Variants in PAIP2 observed in about 807,000 individuals in gnomAD.
PAIP2 encodes poly(A) binding protein interacting protein 2, also known as polyadenylate-binding protein-interacting protein 2.
Under a neutral mutation model 14.8 loss-of-function variants are expected in PAIP2, and 7 were observed. The observed-to-expected ratio is 0.47, with a 90% confidence interval of 0.27 to 0.89. PAIP2 has a LOEUF of 0.89. Ranked by LOEUF, PAIP2 falls within the 40% of genes least tolerant of loss-of-function variation. The pLI is 0.13. For missense variants in PAIP2, 122 were observed against 154.7 expected, an observed-to-expected ratio of 0.79 and a Z score of 1.12; for synonymous variants, 47 against 45.3, an observed-to-expected ratio of 1.04 and a Z score of -0.15.
At position 139,368,805 on chromosome 5, in the gene PAIP2, G is replaced by C; in HGVS notation, c.*7G>C. The C allele has an allele frequency of 6.2e-7, 1 of 1,603,022 alleles. No individual in the cohort carries two copies. The highest frequency in any genetic ancestry group is 8.5e-7 in the Non-Finnish European group (1 of 1,170,178). On this transcript the variant is annotated 3_prime_UTR_variant, in exon 4 of 4. Transcript: ENST00000265192. The stretch of plus-strand genomic sequence containing the variant: ...GAAGTACGGAAATATTTGAGTAGAC[G>C]GGGCCCTCTTTTGGTGGATGTAGCA...
chr5:139,360,102 G>A (rs1030694262), intron 1 of PAIP2, among the ~76,000 whole-genome samples: 2 of 151,774 alleles, frequency 1.3e-5, no homozygotes, highest in African/African-American at 4.8e-5. Context: ...AAGTAGCTGG[G>A]ACTACAGGTG....
At chr5:139,348,250 G>C (rs558365073) in intron 1 of PAIP2, among the ~76,000 whole-genome samples, 1 of 151,744 alleles carries the variant, frequency 6.6e-6, no homozygotes. Context: ...GTGCAGTGGC[G>C]TGATCTTGGC....
chr5:139,364,780 C>T, intron 3 of PAIP2, 37 bp downstream of exon 3: 1 of 1,346,152 alleles, frequency 7.4e-7, no homozygotes, highest in Non-Finnish European at 1.1e-6. Flanking sequence ...AAACCTAGTG[C>T]ATCTTTTGCA....
chr5:139,343,960 C>T lies in PAIP2; in HGVS notation c.-27+1980C>T, dbSNP rs1756461515. On this transcript the variant is annotated intron_variant, in intron 1 of 3. Coordinates refer to ENST00000265192, the MANE Select transcript of PAIP2 (RefSeq NM_016480.5). Reference sequence around the variant, plus strand: ...CTCGATCTCCTGACTTTGTGATCCGCCCCCGTCGGCCTCCCAACAGAGCAA... The same window carrying T: ...CTCGATCTCCTGACTTTGTGATCCGTCCCCGTCGGCCTCCCAACAGAGCAA... 2.6e-5 allele frequency among the ~76,000 whole-genome samples: 4 copies of T among 152,230 alleles called. No individual in the cohort carries two copies. The South Asian group carries it at 6.2e-4, about 24-fold the overall frequency.
chr5:139,349,735 G>T (rs1165958331), intron 1 of PAIP2, among the ~76,000 whole-genome samples: 1 of 152,140 alleles, frequency 6.6e-6, no homozygotes, highest in Non-Finnish European at 1.5e-5. Flanking sequence ...TGGGCACAGT[G>T]TCTCACACCT....
intron 1 of PAIP2, among the ~76,000 whole-genome samples, chr5:139,356,436 A>G (rs1168690909): frequency 6.6e-6 from 1 of 152,030 alleles, no homozygotes; most frequent in Non-Finnish European, 1.5e-5. Context: ...AAAAGAGCAA[A>G]ACACTCCTCG....
intron 1 of PAIP2, among the ~76,000 whole-genome samples, chr5:139,362,637 C>T (rs970211485): frequency 4.0e-5 from 6 of 151,634 alleles, no homozygotes; most frequent in Admixed American, 3.9e-4. Context: ...CTTGAACTCT[C>T]GACCTCAGGT....
intron 1 of PAIP2, among the ~76,000 whole-genome samples, chr5:139,353,645 G>GT (rs1168356389): frequency 6.6e-6 from 1 of 151,508 alleles, no homozygotes; most frequent in East Asian, 1.9e-4. Context: ...TTTGTAATTT[G>GT]TTACTACAAA....
chr5:139,347,999 C>T (rs1390600213), intron 1 of PAIP2, among the ~76,000 whole-genome samples: 1 of 151,974 alleles, frequency 6.6e-6, no homozygotes, highest in African/African-American at 2.4e-5. Flanking sequence ...TAGTGAAACC[C>T]CATCTCTACT....
intron 1 of PAIP2, among the ~76,000 whole-genome samples, chr5:139,349,630 A>G (rs539851217): frequency 5.9e-5 from 9 of 152,242 alleles, no homozygotes; most frequent in Non-Finnish European, 1.3e-4. Flanking sequence ...GAAATAGTTA[A>G]TAGAACATTT....
At chr5:139,357,252 G>T (rs1418587307) in intron 1 of PAIP2, among the ~76,000 whole-genome samples, 1 of 152,136 alleles carries the variant, frequency 6.6e-6, no homozygotes, top group Non-Finnish European at 1.5e-5. Context: ...AGCCTTTTCA[G>T]GTCTTTTCTG....
rs559961424 is a variant in PAIP2, at chr5:139,357,703, C to T, written c.-26-6056C>T. On this transcript the variant is annotated intron_variant, in intron 1 of 3. Coordinates refer to ENST00000265192, the MANE Select transcript of PAIP2 (RefSeq NM_016480.5). ...AAAATTAGCGGGGCATGGTGGCACG[C>T]GCCTGTAGTCCCAGCTACTTGTGAG... Among the ~76,000 whole-genome samples, 11 of 152,202 alleles carry T rather than the reference C, an allele frequency of 7.2e-5. No homozygotes were observed. The South Asian group carries it at 1.4e-3, about 20-fold the overall frequency.
chr5:139,345,033 TTTTG>T (rs1756494591), intron 1 of PAIP2, among the ~76,000 whole-genome samples: 1 of 151,782 alleles, frequency 6.6e-6, no homozygotes, highest in African/African-American at 2.4e-5. Context: ...GCCCATGGGT[TTTTG>T]TTGTTGTTGT....
rs1475177537 is a variant in PAIP2 at position 139,369,288 on chromosome 5, G to A, written c.*490G>A. 1.3e-5 allele frequency: 2 copies of A among 153,138 alleles called. No homozygotes were observed. Among genetic ancestry groups the A allele is most frequent in the Admixed American group, 6.5e-5 (1 of 15,300 alleles). 9.5% of individuals were successfully genotyped at this position (153,138 alleles called of 1,614,324 possible). On this transcript the variant is annotated 3_prime_UTR_variant, in exon 4 of 4. Coordinates refer to ENST00000265192, the MANE Select transcript of PAIP2 (RefSeq NM_016480.5). Reference sequence around the variant, plus strand: ...TTAAAGGCAAGTATGTCATATTACTGAGGCTACAAGTTAGTCAGCAGATGA... The same window carrying A: ...TTAAAGGCAAGTATGTCATATTACTAAGGCTACAAGTTAGTCAGCAGATGA...
rs1166744823 is a variant in PAIP2 at position 139,363,807 on chromosome 5, G to A, written c.23G>A (p.Ser8Asn). MKDPSRS[S>N]TSPSIINEDV... ...GCCATGAAAGATCCAAGTCGCAGCAGTACTAGCCCAAGCATCATCAATGAA... is the reference window on the plus strand; with the variant it reads ...GCCATGAAAGATCCAAGTCGCAGCAATACTAGCCCAAGCATCATCAATGAA... Residue 8 changes from serine to asparagine, a missense_variant, in exon 2 of 4, where the codon AGT (serine) becomes AAT (asparagine). Around this residue, in one of 3 missense-constraint regions of PAIP2, gnomAD observed 42 missense variants for 36.7 expected, o/e 1.15. Transcript: ENST00000265192. 1 of 1,614,158 alleles carries A rather than the reference G, an allele frequency of 6.2e-7. No individual in the cohort carries two copies.
chr5:139,365,520 G>C (rs1287444288), intron 3 of PAIP2, among the ~76,000 whole-genome samples: 1 of 151,756 alleles, frequency 6.6e-6, no homozygotes, highest in African/African-American at 2.4e-5. Flanking sequence ...ACAAAAATTA[G>C]CTGGACATGG....
chr5:139,366,221 AAAAG>A (rs1377306600), intron 3 of PAIP2, among the ~76,000 whole-genome samples: 1 of 151,648 alleles, frequency 6.6e-6, no homozygotes, highest in Non-Finnish European at 1.5e-5. Context: ...AAAAAAAAAA[AAAAG>A]CGGGGTGGGG....
intron 3 of PAIP2, among the ~76,000 whole-genome samples, chr5:139,365,806 G>A (rs1757217574): frequency 6.6e-6 from 1 of 152,160 alleles, no homozygotes; most frequent in Non-Finnish European, 1.5e-5. Context: ...TGTTGCCCTA[G>A]GGTACTTAAA....
At chr5:139,368,685 C>T (rs1056898839) in intron 3 of PAIP2, 48 bp from the exon 4 acceptor site, 6 of 1,272,880 alleles carry the variant, frequency 4.7e-6, no homozygotes, top group Non-Finnish European at 6.9e-6. Flanking sequence ...TGAATTAGTA[C>T]CTGAAACTGT....
Sources: allele counts gnomAD v4.1 joint callset (sites outside exome capture counted in the v4.1 genomes callset), GRCh38; gene constraint gnomAD v4.1.1; regional missense constraint gnomAD v4.1.1; transcripts MANE v1.5; gene names NCBI Gene and HGNC (gene_info 2026-07-23, HGNC 2026-07-21).